The following XYLT1 variants were observed in gnomAD, a reference collection of about 807,000 sequenced individuals.
XYLT1 encodes the protein xylosyltransferase 1.
XYLT1 carries 36 observed loss-of-function variants against 91.3 expected under a neutral mutation model. The ratio of observed to expected loss-of-function variants is 0.39; its 90% CI spans 0.30 to 0.52. The LOEUF is 0.52. XYLT1 is among the 20% of genes least tolerant of loss of function. XYLT1 has a pLI of 0.68. For synonymous variants in XYLT1, 588 were observed against 532.0 expected, an observed-to-expected ratio of 1.11 and a Z score of -1.45; for missense variants, 1,242 against 1,284.5, an observed-to-expected ratio of 0.97 and a Z score of 0.51.
intron 2 of XYLT1, among the ~76,000 whole-genome samples, chr16:17,314,930 G>A (rs1379827328): frequency 6.6e-6 from 1 of 152,090 alleles, no homozygotes; most frequent in East Asian, 1.9e-4. Flanking sequence ...AAGTAGAGAG[G>A]TGAGAGGTAC....
chr16:17,190,105 G>A (rs1206027533), intron 5 of XYLT1, among the ~76,000 whole-genome samples: 1 of 152,102 alleles, frequency 6.6e-6, no homozygotes, highest in Non-Finnish European at 1.5e-5. Context: ...ATACAGAAAG[G>A]AGATTAGTGG....
At chr16:17,164,788 G>A (rs1039869353) in intron 5 of XYLT1, among the ~76,000 whole-genome samples, 2 of 151,954 alleles carry the variant, frequency 1.3e-5, no homozygotes, top group African/African-American at 2.4e-5. Flanking sequence ...AAACATTAAC[G>A]ACCACGTGTC....
At chr16:17,156,944 C>CTTTTT (rs71137977) in intron 6 of XYLT1, among the ~76,000 whole-genome samples, 1 of 147,432 alleles carries the variant, frequency 6.8e-6, no homozygotes, top group Non-Finnish European at 1.5e-5. Context: ...TCTAGGGTTA[C>CTTTTT]TTTTTTTTTT....
intron 3 of XYLT1, among the ~76,000 whole-genome samples, chr16:17,225,175 A>ACTCTCT (rs1340850799): frequency 0.073 from 6,451 of 87,954 alleles, 456 homozygotes; most frequent in African/African-American, 0.28. Flanking sequence ...ACACACACAC[A>ACTCTCT]CACTCTCTCT....
intron 10 of XYLT1, among the ~76,000 whole-genome samples, chr16:17,123,596 T>G (rs774154853): frequency 1.9e-4 from 29 of 152,236 alleles, no homozygotes; most frequent in Non-Finnish European, 3.7e-4. Flanking sequence ...GCCTATCATA[T>G]GGTCTATCTT....
chr16:17,428,734 C>T (rs1355265600), intron 1 of XYLT1, among the ~76,000 whole-genome samples: 1 of 152,220 alleles, frequency 6.6e-6, no homozygotes, highest in African/African-American at 2.4e-5. Context: ...TAGTTTTCCA[C>T]TGGGTTCACC....
chr16:17,352,037 G>A (rs1285726360), intron 2 of XYLT1, among the ~76,000 whole-genome samples: 1 of 152,108 alleles, frequency 6.6e-6, no homozygotes, highest in African/African-American at 2.4e-5. Flanking sequence ...AGGCTGAGGT[G>A]GGAGCCCAGG....
chr16:17,445,841 T>C (rs1179334109), intron 1 of XYLT1: 2 of 152,032 alleles, frequency 1.3e-5, no homozygotes, highest in African/African-American at 4.8e-5. Flanking sequence ...AAGAAAACGG[T>C]GTTTATTTTT....
rs539551948 is a variant in XYLT1, at chr16:17,186,710, G to A, written c.1289+11502C>T. Among the ~76,000 whole-genome samples the A allele has an allele frequency of 1.2e-4, 19 of 152,198 alleles. No individual in the cohort carries two copies. The East Asian group carries it at 3.5e-3, about 28-fold the overall frequency. On this transcript the variant is annotated intron_variant, in intron 5 of 11. Coordinates refer to ENST00000261381, the MANE Select transcript of XYLT1 (RefSeq NM_022166.4). Reference sequence around the variant, plus strand: ...AGGGATGGTGTCTGTCCTGCTCCCTGCGGAACACCCATAGCCTGACGCATG... The same window carrying A: ...AGGGATGGTGTCTGTCCTGCTCCCTACGGAACACCCATAGCCTGACGCATG...
rs556428156 is a variant in XYLT1, at chr16:17,346,616, G to A, written c.402+11396C>T. Among the ~76,000 whole-genome samples, 6 of 152,304 alleles carry A rather than the reference G, an allele frequency of 3.9e-5. No homozygotes were observed. The East Asian group carries it at 7.7e-4, about 20-fold the overall frequency. On this transcript the variant is annotated intron_variant, in intron 2 of 11. Transcript: ENST00000261381. ...CCATGTGCAGGTCAGAGATGGCCAC[G>A]AGGAGGCCCATGGCACAACTTTGAG... is the stretch of plus-strand genomic sequence containing the variant.
At chr16:17,301,711 A>G (rs1331128101) in intron 2 of XYLT1, among the ~76,000 whole-genome samples, 3 of 152,146 alleles carry the variant, frequency 2.0e-5, no homozygotes, top group African/African-American at 7.2e-5. Flanking sequence ...ATCAGACTCC[A>G]CCGCAACAAC....
At chr16:17,174,616 G>A (rs1330552621) in intron 5 of XYLT1, among the ~76,000 whole-genome samples, 1 of 152,086 alleles carries the variant, frequency 6.6e-6, no homozygotes, top group Admixed American at 6.5e-5. Flanking sequence ...CAGGGGTTGG[G>A]GGTCAGAGGG....
At chr16:17,193,968 G>A (rs1291860345) in intron 5 of XYLT1, 2 of 152,212 alleles carry the variant, frequency 1.3e-5, no homozygotes, top group African/African-American at 4.8e-5. Flanking sequence ...AGTAGAGGAA[G>A]ATGATGAGAA....
chr16:17,346,668 C>T (rs1472608152), intron 2 of XYLT1, among the ~76,000 whole-genome samples: 1 of 152,206 alleles, frequency 6.6e-6, no homozygotes, highest in Non-Finnish European at 1.5e-5. Context: ...GAGAAAGTCA[C>T]CTCCTGCTCC....
Position 17,200,636 on chromosome 16 carries a change from A to C in XYLT1, c.932T>G (p.Val311Gly). ...CTCCACGGAGTCCTCGTCCCACTGCACGTTCTTGTTGGCTTTACCTGGGGA... is the reference window on the plus strand; with the variant it reads ...CTCCACGGAGTCCTCGTCCCACTGCCCGTTCTTGTTGGCTTTACCTGGGGA... ...CPLEGKANKN[V>G]QWDEDSVEYM... Residue 311 changes from valine to glycine, a missense_variant, in exon 4 of 12, where the codon GTG becomes GGG. Around this residue, in one of 3 missense-constraint regions of XYLT1, gnomAD observed 437 missense variants for 411.5 expected, o/e 1.06. Coordinates refer to ENST00000261381, the MANE Select transcript of XYLT1 (RefSeq NM_022166.4). The C allele has an allele frequency of 6.2e-7, 1 of 1,613,690 alleles. No individual in the cohort carries two copies. The highest frequency in any genetic ancestry group is 2.2e-5 in the East Asian group (1 of 44,868).
At chr16:17,273,070 C>T (rs1178765419) in intron 2 of XYLT1, among the ~76,000 whole-genome samples, 2 of 152,218 alleles carry the variant, frequency 1.3e-5, no homozygotes, top group Non-Finnish European at 2.9e-5. Flanking sequence ...TCCTGCACAT[C>T]TTCTGAACGT....
rs547375854 is a variant in XYLT1, at chr16:17,202,375, G to A, written c.914-1721C>T. 6.8e-4 allele frequency among the ~76,000 whole-genome samples: 104 copies of A among 152,326 alleles called. 1 individual carries two copies. The highest frequency in any genetic ancestry group is 5.0e-3 in the Admixed American group (77 of 15,304). On this transcript the variant is annotated intron_variant, in intron 3 of 11. Transcript: ENST00000261381. ...TACGTAGTTCCAGGAGACAAGACAA[G>A]ATTGACGTAGATAATATCCAAATCA...
At chr16:17,452,775 T>G (rs543500540) in intron 1 of XYLT1, among the ~76,000 whole-genome samples, 1 of 152,318 alleles carries the variant, frequency 6.6e-6, no homozygotes, top group East Asian at 1.9e-4. Context: ...AAGATTCTTT[T>G]TAGACCAAGT....
intron 2 of XYLT1, among the ~76,000 whole-genome samples, chr16:17,281,726 T>C (rs936482853): frequency 2.6e-5 from 4 of 152,196 alleles, no homozygotes; most frequent in Non-Finnish European, 5.9e-5. Flanking sequence ...GCAGGAGCAC[T>C]GGAAAGGCAA....
Sources: gnomAD v4.1 joint callset for allele counts (sites outside exome capture counted in the v4.1 genomes callset) on GRCh38, gnomAD v4.1.1 for gene constraint, gnomAD v4.1.1 regional missense constraint, MANE v1.5 for transcripts, NCBI Gene and HGNC (gene_info 2026-07-23, HGNC 2026-07-21) for gene names.